PI4KA: variants seen among roughly 807,000 people sequenced by gnomAD.
PI4KA encodes the protein PI4-kinase alpha.
PI4KA carries 122 observed loss-of-function variants against 271.4 expected under a neutral mutation model. The ratio of observed to expected loss-of-function variants is 0.45; its 90% CI spans 0.39 to 0.52. The LOEUF (loss-of-function observed/expected upper bound fraction) is 0.52. Ranked by LOEUF, PI4KA falls within the 20% of genes least tolerant of loss-of-function variation. PI4KA has a pLI of 0.00. For synonymous variants in PI4KA, 1,041 were observed against 1,078.8 expected (o/e 0.96, Z 0.69); for missense variants, 1,969 against 2,769.1 (o/e 0.71, Z 6.48).
chr22:20,718,883 C>T lies in PI4KA; in HGVS notation c.5117-61G>A, dbSNP rs545738958. On this transcript the variant is annotated intron_variant, in intron 43 of 54. Transcript: ENST00000255882. ...CTGTGGCAGAGGCCCCTCAGGAATA[C>T]CAGCCCTGTTTCCCAGGCCCCAGAC... 14,062 of 1,576,912 alleles carry T rather than the reference C, an allele frequency of 8.9e-3. 91 individuals carry two copies. Among genetic ancestry groups the T allele is most frequent in the Non-Finnish European group, 0.011 (13,106 of 1,156,392 alleles).
Position 20,733,775 on chromosome 22 carries a change from A to G in PI4KA, c.4121T>C (p.Leu1374Pro). Residue 1374 changes from leucine to proline, a missense_variant, in exon 35 of 55, where the codon CTT (leucine) becomes CCT (proline). Coordinates refer to ENST00000255882, the MANE Select transcript of PI4KA (RefSeq NM_058004.4). The stretch of plus-strand genomic sequence containing the variant: ...GGCAGTGGAGTAGATCTTCTCGCGA[A>G]GCACATTGCGGATGGTTGCATTTGG... ...VVPNATIRNV[L>P]REKIYSTAFD... The G allele has an allele frequency of 6.2e-7, 1 of 1,613,402 alleles. No individual in the cohort carries two copies. The highest frequency in any genetic ancestry group is 8.5e-7 in the Non-Finnish European group (1 of 1,179,840).
At chr22:20,803,346 A>G in intron 12 of PI4KA, 26 bp from the exon 13 acceptor site, 1 of 1,613,400 alleles carries the variant, frequency 6.2e-7, no homozygotes, top group Non-Finnish European at 8.5e-7. Flanking sequence ...AACCTGTCAC[A>G]TGGCCTGTGG....
rs369397441 is a variant in PI4KA at position 20,817,123 on chromosome 22, C to T, written c.856+1360G>A. Among the ~76,000 whole-genome samples the T allele has an allele frequency of 1.1e-4, 16 of 152,266 alleles. No homozygotes were observed. In the South Asian group the frequency reaches 2.9e-3, roughly 28 times the overall value. ...TATATAGAATGTAACCTGTTACATT[C>T]TCACAGATCTAAGAGATGGAAAGCT... On this transcript the variant is annotated intron_variant, in intron 7 of 54. Transcript: ENST00000255882.
chr22:20,835,831 G>A (rs1601596023), intron 2 of PI4KA, among the ~76,000 whole-genome samples: 1 of 151,964 alleles, frequency 6.6e-6, no homozygotes, highest in African/African-American at 2.4e-5. Context: ...GGCGGATCAC[G>A]AGGTCAGGAG....
At chr22:20,793,417 C>A in intron 18 of PI4KA, 174 bp from the exon 19 acceptor site, 1 of 505,528 alleles carries the variant, frequency 2.0e-6, no homozygotes, top group Non-Finnish European at 3.5e-6. Flanking sequence ...ATTTTAATAG[C>A]AAAAAATGAA....
At chr22:20,812,425 T>C (rs1921167744) in intron 8 of PI4KA, among the ~76,000 whole-genome samples, 1 of 152,072 alleles carries the variant, frequency 6.6e-6, no homozygotes, top group African/African-American at 2.4e-5. Flanking sequence ...CTATCCAAAT[T>C]GTTCTCATTT....
intron 23 of PI4KA, among the ~76,000 whole-genome samples, chr22:20,757,390 C>T (rs1211146272): frequency 6.6e-6 from 1 of 152,160 alleles, no homozygotes; most frequent in African/African-American, 2.4e-5. Flanking sequence ...TGAGGAGGAA[C>T]AATCAGTCCC....
At chr22:20,738,612 A>C (rs978850860) in intron 32 of PI4KA, among the ~76,000 whole-genome samples, 2 of 152,010 alleles carry the variant, frequency 1.3e-5, no homozygotes, top group Non-Finnish European at 2.9e-5. Flanking sequence ...GACCTGAATG[A>C]CCACGTGCTG....
intron 2 of PI4KA, 110 bp downstream of exon 2, chr22:20,838,505 C>A: frequency 1.4e-6 from 1 of 702,488 alleles, no homozygotes; most frequent in Non-Finnish European, 2.5e-6. Context: ...TGATTAGGTT[C>A]AAATGTATTC....
At position 20,714,619 on chromosome 22, in the gene PI4KA, G is replaced by A. The variant is rs753877108; in HGVS notation, c.5390+9C>T. The A allele has an allele frequency of 3.7e-6, 6 of 1,613,902 alleles. No homozygotes were observed. The Admixed American group carries it at 5.0e-5, about 13-fold the overall frequency. ...TGGAAGTGGGGGATGGGTAGGGTGAGGCGCCCACCTCTGCATCGGGGTCCC... is the reference window on the plus strand; with the variant it reads ...TGGAAGTGGGGGATGGGTAGGGTGAAGCGCCCACCTCTGCATCGGGGTCCC... On this transcript the variant is annotated intron_variant, in intron 46 of 54. Coordinates refer to ENST00000255882, the MANE Select transcript of PI4KA (RefSeq NM_058004.4).
intron 19 of PI4KA, chr22:20,786,224 C>CT: frequency 6.7e-7 from 1 of 1,498,554 alleles, no homozygotes; most frequent in South Asian, 1.1e-5. Context: ...CTTGCCCTTC[C>CT]TACCCACCCC....
In PI4KA at chr22:20,740,792, T is replaced by C. The variant is rs188887147; in HGVS notation, c.3741+1436A>G. ...AGAAACAATGCAAGCTACTAGACAA[T>C]AGAAGATAATATCTGAAATGCTAAA... On this transcript the variant is annotated intron_variant, in intron 32 of 54. Coordinates refer to ENST00000255882, the MANE Select transcript of PI4KA (RefSeq NM_058004.4). Among the ~76,000 whole-genome samples the C allele has an allele frequency of 2.5e-4, 38 of 152,118 alleles. No homozygotes were observed. The East Asian group carries it at 4.6e-3, about 19-fold the overall frequency.
intron 7 of PI4KA, 75 bp from the exon 8 acceptor site, chr22:20,813,581 A>G (rs549588989): frequency 1.5e-5 from 21 of 1,360,286 alleles, no homozygotes; most frequent in Admixed American, 4.2e-5. Context: ...GACTCCCCCA[A>G]TAACCAACAA....
In PI4KA at chr22:20,734,381, G is replaced by A. The variant is rs1677149645; in HGVS notation, c.3900+14C>T. ...GGAGCACCCCACAGCCTTCGTGGGGGAACAGGCACGTACGTCGATCCAGAT... is the reference window on the plus strand; with the variant it reads ...GGAGCACCCCACAGCCTTCGTGGGGAAACAGGCACGTACGTCGATCCAGAT... On this transcript the variant is annotated intron_variant, in intron 33 of 54. Transcript: ENST00000255882. 5.1e-6 allele frequency: 8 copies of A among 1,559,372 alleles called. No homozygotes were observed. The highest frequency in any genetic ancestry group is 7.0e-6 in the Non-Finnish European group (8 of 1,137,790).
In PI4KA at chr22:20,718,993, C is replaced by T. The variant is rs73159202; in HGVS notation, c.5117-171G>A. On this transcript the variant is annotated intron_variant, in intron 43 of 54. Transcript: ENST00000255882. ...CCTTTTGCTGTGTTGACACAGCTGA[C>T]GCTGCTGGGAAGCTAAGCTGGTGCC... 0.069 allele frequency among the ~76,000 whole-genome samples: 10,457 copies of T among 152,284 alleles called. 351 individuals carry two copies. The highest frequency in any genetic ancestry group is 0.079 in the East Asian group (411 of 5,180).
chr22:20,819,951 T>G (rs1380603089), intron 5 of PI4KA, 51 bp from the exon 6 acceptor site: 1 of 1,484,388 alleles, frequency 6.7e-7, no homozygotes, highest in East Asian at 2.3e-5. Context: ...CCTGATAGAG[T>G]CATATAGTAA....
chr22:20,753,747 C>T (rs867840321), intron 23 of PI4KA, among the ~76,000 whole-genome samples: 14 of 151,422 alleles, frequency 9.2e-5, no homozygotes, highest in Admixed American at 6.6e-4. Flanking sequence ...AGTGTGGTGG[C>T]GCGATCTTGG....
chr22:20,718,237 C>T (rs1431583007), intron 44 of PI4KA, among the ~76,000 whole-genome samples: 1 of 152,206 alleles, frequency 6.6e-6, no homozygotes, highest in Admixed American at 6.5e-5. Flanking sequence ...GGTTTCATCC[C>T]TTATGAATGC....
chr22:20,857,676 G>A (rs1378988059), intron 1 of PI4KA, among the ~76,000 whole-genome samples: 2 of 152,164 alleles, frequency 1.3e-5, no homozygotes, highest in South Asian at 2.1e-4. Flanking sequence ...GATGCTTTAT[G>A]CTAGAACTCA....
Sources: gnomAD v4.1 joint callset for allele counts (sites outside exome capture counted in the v4.1 genomes callset) on GRCh38, gnomAD v4.1.1 for gene constraint, MANE v1.5 for transcripts, NCBI Gene and HGNC (gene_info 2026-07-23, HGNC 2026-07-21) for gene names.